Variants in FBN3 observed in about 807,000 individuals in gnomAD.
FBN3 encodes fibrillin-3.
In FBN3, 234 loss-of-function variants were observed where a neutral mutation model predicts 330.1. That is an observed-to-expected ratio of 0.71 (90% confidence interval 0.64 to 0.79). The LOEUF (loss-of-function observed/expected upper bound fraction) is 0.79. FBN3 is among the 30% of genes least tolerant of loss of function. The pLI is 0.00. For missense variants in FBN3, 3,606 were observed against 3,886.9 expected (o/e 0.93, Z 1.92); for synonymous variants, 1,458 against 1,517.3 (o/e 0.96, Z 0.91).
intron 61 of FBN3, among the ~76,000 whole-genome samples, chr19:8,073,570 A>G (rs891945448): frequency 1.3e-5 from 2 of 152,202 alleles, no homozygotes; most frequent in African/African-American, 2.4e-5. Flanking sequence ...CCTCAGTGCT[A>G]TTGACACTTG....
At chr19:8,146,335 T>C in intron 3 of FBN3, 110 bp from the exon 4 acceptor site, 1 of 856,964 alleles carries the variant, frequency 1.2e-6, no homozygotes, top group Non-Finnish European at 1.9e-6. Context: ...GCTGGTCATC[T>C]GCATCCCCGG....
At position 8,131,974 on chromosome 19, in the gene FBN3, G is replaced by T; in HGVS notation, c.1715-145C>A. 2.2e-6 allele frequency: 2 copies of T among 910,810 alleles called. No homozygotes were observed. The highest frequency in any genetic ancestry group is 3.2e-6 in the Non-Finnish European group (2 of 633,210). 56.4% of individuals were successfully genotyped at this position (910,810 alleles called of 1,614,324 possible). On this transcript the variant is annotated intron_variant, in intron 14 of 63. Coordinates refer to ENST00000600128, the MANE Select transcript of FBN3 (RefSeq NM_032447.5). This position sits in a 1 kb window ranked among gnomAD's most constrained non-coding sequence, Gnocchi z 4.5. ...GTCTTTCCAGTTTCCTGTTGTCTGTGTCTCTGTCCTCTCCTCCTCTTGTCT... is the reference window on the plus strand; with the variant it reads ...GTCTTTCCAGTTTCCTGTTGTCTGTTTCTCTGTCCTCTCCTCCTCTTGTCT...
intron 38 of FBN3, among the ~76,000 whole-genome samples, chr19:8,105,757 T>C (rs185475774): frequency 4.6e-5 from 7 of 152,264 alleles, no homozygotes; most frequent in Non-Finnish European, 7.4e-5. Context: ...AAAGCAACTA[T>C]TGAGCTGGCA....
At chr19:8,092,529 A>G (rs1216854970) in intron 47 of FBN3, among the ~76,000 whole-genome samples, 1 of 151,986 alleles carries the variant, frequency 6.6e-6, no homozygotes, top group East Asian at 2.0e-4. Context: ...CTTGGCCAAC[A>G]TGGTGAAACC....
rs751083806 is a variant in FBN3, at chr19:8,091,631, G to A, written c.5906-41C>T. The A allele has an allele frequency of 1.9e-6, 3 of 1,608,788 alleles. No individual in the cohort carries two copies. In the East Asian group the frequency reaches 6.7e-5, roughly 36 times the overall value. ...CATGAGCTGGGTGGGGGGCAAGTAG[G>A]ACCTCCATCAGTGGGGAGAGGACTC... On this transcript the variant is annotated intron_variant, in intron 47 of 63. Coordinates refer to ENST00000600128, the MANE Select transcript of FBN3 (RefSeq NM_032447.5).
chr19:8,065,890 C>T lies in FBN3; in HGVS notation c.*29G>A. The T allele has an allele frequency of 6.7e-7, 1 of 1,502,344 alleles. No homozygotes were observed. 93.1% of individuals were successfully genotyped at this position (1,502,344 alleles called of 1,614,324 possible). A position where few individuals can be genotyped will look rare whatever the true frequency, so the allele number is the denominator to read the frequency against. ...AGTTCCAGAATCCCCCTTCTCTGGA[C>T]AGCTGGGGCCCACTGAGGCTCCTCC... is the stretch of plus-strand genomic sequence containing the variant. On this transcript the variant is annotated 3_prime_UTR_variant, in exon 64 of 64. Coordinates refer to ENST00000600128, the MANE Select transcript of FBN3 (RefSeq NM_032447.5).
Position 8,102,723 on chromosome 19 carries a change from C to A in FBN3, c.5089+1G>T, listed in dbSNP as rs144823647. The A allele has an allele frequency of 1.2e-6, 2 of 1,611,802 alleles. No homozygotes were observed. The highest frequency in any genetic ancestry group is 1.7e-6 in the Non-Finnish European group (2 of 1,178,570). On this transcript the variant is annotated splice_donor_variant, in intron 40 of 63. Transcript: ENST00000600128. LOFTEE classifies it high-confidence loss of function. ...GAAGAAGGTTGGGGAGGGTTACTCA[C>A]GACTGATGGGAGTGGGGCAGGCCTC...
In FBN3 at chr19:8,131,934, C is replaced by T; in HGVS notation, c.1715-105G>A. ...ATCTTCCCAGCCATTCTATTTCTTT[C>T]CTTTCCAGTTTCTTGTCTTTCCAGT... On this transcript the variant is annotated intron_variant, in intron 14 of 63. Coordinates refer to ENST00000600128, the MANE Select transcript of FBN3 (RefSeq NM_032447.5). This position sits in a 1 kb window ranked among gnomAD's most constrained non-coding sequence, Gnocchi z 4.5. 5 of 1,303,540 alleles carry T rather than the reference C, an allele frequency of 3.8e-6. No individual in the cohort carries two copies. In the South Asian group the frequency reaches 4.9e-5, roughly 13 times the overall value. The allele number at this position is 1,303,540 out of a possible 1,614,324, so 80.7% of individuals were successfully genotyped here.
intron 56 of FBN3, among the ~76,000 whole-genome samples, chr19:8,084,306 C>T (rs1378974253): frequency 6.6e-6 from 1 of 152,166 alleles, no homozygotes; most frequent in African/African-American, 2.4e-5. Context: ...ATGGTGTATA[C>T]TTCTCACCCA....
chr19:8,122,968 C>T (rs1260819548), intron 24 of FBN3, among the ~76,000 whole-genome samples: 1 of 151,916 alleles, frequency 6.6e-6, no homozygotes, highest in Non-Finnish European at 1.5e-5. Flanking sequence ...CAGCCCAGCC[C>T]CTTCTTTTAT....
At chr19:8,085,941 C>T (rs933314194) in intron 55 of FBN3, among the ~76,000 whole-genome samples, 11 of 131,154 alleles carry the variant, frequency 8.4e-5, no homozygotes, top group African/African-American at 1.7e-4. Context: ...CCGCAGGCCC[C>T]GTCCCTGCCT....
At chr19:8,085,083 C>T (rs1803080800) in intron 56 of FBN3, among the ~76,000 whole-genome samples, 1 of 152,156 alleles carries the variant, frequency 6.6e-6, no homozygotes, top group Non-Finnish European at 1.5e-5. Flanking sequence ...CCACTGCACT[C>T]CAGCCTGGGT....
chr19:8,087,172 G>T lies in FBN3; in HGVS notation c.6659C>A (p.Ala2220Asp). 5 of 1,607,198 alleles carry T rather than the reference G, an allele frequency of 3.1e-6. No individual in the cohort carries two copies. The highest frequency in any genetic ancestry group is 4.2e-6 in the Non-Finnish European group (5 of 1,178,008). Residue 2220 changes from alanine to aspartate, a missense_variant, in exon 54 of 64, where the codon GCC becomes GAC. Coordinates refer to ENST00000600128, the MANE Select transcript of FBN3 (RefSeq NM_032447.5). ...ECADGQQDCHARGMECKNLIG... is the reference protein window; with the variant it reads ...ECADGQQDCHDRGMECKNLIG... ...GAGGTTCTTGCACTCCATGCCCCGG[G>T]CGTGGCAGTCCTGCTGACCATCTGC... is the stretch of plus-strand genomic sequence containing the variant.
chr19:8,130,629 A>AAAGG, intron 16 of FBN3, among the ~76,000 whole-genome samples: 1 of 2,836 alleles, frequency 3.5e-4, no homozygotes, highest in South Asian at 0.011. Context: ...AGAAAGAAAG[A>AAAGG]AAGAAAGAAA....
In FBN3 at chr19:8,126,910, G is replaced by A. The variant is rs148119920; in HGVS notation, c.2297-78C>T. ...CTGGCCAGGACCCCTCCTCCCCAAG[G>A]GGCCGCCGCAACCGGTGGCACGGGG... On this transcript the variant is annotated intron_variant, in intron 18 of 63. Transcript: ENST00000600128. 1.1e-3 allele frequency: 1,675 copies of A among 1,486,508 alleles called. 23 individuals carry two copies. The African/African-American group carries it at 0.022, about 20-fold the overall frequency. The allele number at this position is 1,486,508 out of a possible 1,614,324, so 92.1% of individuals were successfully genotyped here. A position where few individuals can be genotyped will look rare whatever the true frequency, so the allele number is the denominator to read the frequency against.
chr19:8,127,853 C>T (rs1281210786), intron 18 of FBN3, among the ~76,000 whole-genome samples: 2 of 152,094 alleles, frequency 1.3e-5, no homozygotes, highest in African/African-American at 2.4e-5. Flanking sequence ...TGATGGCACA[C>T]GCCTGTAGTC....
chr19:8,094,406 C>T (rs1489813776), intron 47 of FBN3, 40 bp downstream of exon 47: 1 of 1,578,156 alleles, frequency 6.3e-7, no homozygotes, highest in Non-Finnish European at 8.6e-7. Flanking sequence ...AAGAGAGGCA[C>T]TCCCTGGCGC....
chr19:8,117,632 G>A, intron 26 of FBN3, 43 bp from the exon 27 acceptor site: 1 of 1,492,740 alleles, frequency 6.7e-7, no homozygotes, highest in Non-Finnish European at 9.0e-7. Context: ...TGCCCCATCT[G>A]CCGTCTGTGT....
At chr19:8,145,024 T>C (rs2083500791) in intron 5 of FBN3, 52 bp from the exon 6 acceptor site, 2 of 1,490,232 alleles carry the variant, frequency 1.3e-6, no homozygotes, top group Admixed American at 1.9e-5. Context: ...CAGAGAGAGC[T>C]GGGGTTCACA....
Sources: allele counts gnomAD v4.1 joint callset (sites outside exome capture counted in the v4.1 genomes callset), GRCh38; gene constraint gnomAD v4.1.1; non-coding constraint Gnocchi (gnomAD v3.1); transcripts MANE v1.5; gene names NCBI Gene and HGNC (gene_info 2026-07-23, HGNC 2026-07-21).